Variants in LRP5 observed in about 807,000 individuals in gnomAD.
LRP5 encodes LDL receptor related protein 5, also known as low-density lipoprotein receptor-related protein 5.
Under a neutral mutation model 154.1 loss-of-function variants are expected in LRP5, and 62 were observed. The observed-to-expected ratio is 0.40, with a 90% CI of 0.33 to 0.50. The LOEUF is 0.50. Among genes scored for constraint, LRP5 ranks in the 20% least tolerant of loss-of-function variants. The pLI is 0.55. For missense variants in LRP5, 1,915 were observed against 2,336.7 expected, an observed-to-expected ratio of 0.82 and a Z score of 3.72; for synonymous variants, 966 against 1,011.5, an observed-to-expected ratio of 0.96 and a Z score of 0.85.
upstream of LRP5, among the ~76,000 whole-genome samples, chr11:68,308,981 TGGAG>T (rs2153109160): frequency 7.2e-6 from 1 of 138,692 alleles, no homozygotes; most frequent in Admixed American, 8.0e-5. Flanking sequence ...CCAGGCTGGA[TGGAG>T]TGCAGTGGCG....
chr11:68,376,124 C>T (rs1281255890), intron 5 of LRP5, among the ~76,000 whole-genome samples: 1 of 150,636 alleles, frequency 6.6e-6, no homozygotes, highest in Non-Finnish European at 1.5e-5. Context: ...TACCCAGGCA[C>T]GCGTCCTGGG....
chr11:68,411,648 C>G, intron 11 of LRP5, 28 bp downstream of exon 11: 2 of 1,593,948 alleles, frequency 1.3e-6, no homozygotes, highest in Non-Finnish European at 1.7e-6. Flanking sequence ...GCCTTCTGGT[C>G]ATGGAGGGCG....
At chr11:68,329,006 A>AC (rs915349022) in intron 1 of LRP5, among the ~76,000 whole-genome samples, 3 of 152,070 alleles carry the variant, frequency 2.0e-5, no homozygotes, top group African/African-American at 7.2e-5. Flanking sequence ...CCCTTCCCAC[A>AC]CGTGTGCATG....
intron 22 of LRP5, 40 bp downstream of exon 22, chr11:68,446,573 C>T: frequency 6.5e-7 from 1 of 1,537,932 alleles, no homozygotes. Flanking sequence ...CATTGGGTTC[C>T]CGCCAGCCCG....
At chr11:68,308,623 T>C (rs2098585435), upstream of LRP5, among the ~76,000 whole-genome samples, 1 of 152,174 alleles carries the variant, frequency 6.6e-6, no homozygotes, top group South Asian at 2.1e-4. Flanking sequence ...TCCTGCAGAA[T>C]AAAATAGTGC....
intron 13 of LRP5, among the ~76,000 whole-genome samples, chr11:68,416,921 T>TA (rs2098662864): frequency 3.3e-5 from 5 of 152,178 alleles, no homozygotes; most frequent in Admixed American, 2.0e-4. Flanking sequence ...GAAAGACACC[T>TA]ATGCAAAATC....
intron 17 of LRP5, among the ~76,000 whole-genome samples, chr11:68,432,906 A>G (rs1326530832): frequency 6.6e-6 from 1 of 152,192 alleles, no homozygotes; most frequent in Non-Finnish European, 1.5e-5. Flanking sequence ...GATGGCCTCC[A>G]TGGTCACACG....
intron 7 of LRP5, among the ~76,000 whole-genome samples, chr11:68,403,098 C>T (rs1159395866): frequency 1.3e-5 from 2 of 151,954 alleles, no homozygotes; most frequent in African/African-American, 2.4e-5. Context: ...TACAAAAATT[C>T]GCCAGGTGTG....
chr11:68,394,382 G>A (rs1184866697), intron 7 of LRP5, among the ~76,000 whole-genome samples: 1 of 151,882 alleles, frequency 6.6e-6, no homozygotes, highest in Non-Finnish European at 1.5e-5. Flanking sequence ...CCAGGAACAG[G>A]GGGGTCGCAG....
At position 68,410,190 on chromosome 11, in the gene LRP5, A is replaced by G. The variant is rs756773608; in HGVS notation, c.2318+50A>G. ...TCCTTGTGTTCACCTCGTATGAGAC[A>G]GTGCGGGGGTGCCAACTGGGCAAGG... On this transcript the variant is annotated intron_variant, in intron 10 of 22. Coordinates refer to ENST00000294304, the MANE Select transcript of LRP5 (RefSeq NM_002335.4). The G allele has an allele frequency of 1.6e-5, 24 of 1,503,934 alleles. 1 individual carries two copies. In the South Asian group the frequency reaches 2.8e-4, roughly 17 times the overall value. 93.2% of individuals were successfully genotyped at this position (1,503,934 alleles called of 1,614,324 possible).
chr11:68,411,944 G>A (rs1010291506), intron 11 of LRP5, among the ~76,000 whole-genome samples: 3 of 152,144 alleles, frequency 2.0e-5, no homozygotes, highest in Non-Finnish European at 2.9e-5. Flanking sequence ...TCATTGCTGG[G>A]GAAGCTGAGG....
At chr11:68,404,012 C>T (rs1591285167) in intron 8 of LRP5, 1 of 489,524 alleles carries the variant, frequency 2.0e-6, no homozygotes, top group Non-Finnish European at 3.8e-6. Context: ...AAATGTAGTT[C>T]CTTGCCCTAC....
At chr11:68,350,971 C>T (rs114729015) in intron 2 of LRP5, among the ~76,000 whole-genome samples, 7,164 of 152,016 alleles carry the variant, frequency 0.047, 567 homozygotes, top group African/African-American at 0.16. Flanking sequence ...TGCATGCATG[C>T]GTGTGAGTGG....
chr11:68,300,062 C>A, the LRP5 span, among the ~76,000 whole-genome samples: 6 of 143,730 alleles, frequency 4.2e-5, no homozygotes, highest in South Asian at 1.3e-3. Context: ...TTTTTTTTTT[C>A]AGTAGATACA....
chr11:68,432,110 C>G (rs569925154), intron 17 of LRP5, among the ~76,000 whole-genome samples: 2 of 152,256 alleles, frequency 1.3e-5, no homozygotes, highest in African/African-American at 2.4e-5. Flanking sequence ...CGCCATTCAG[C>G]CCTTCCCTGA....
intron 5 of LRP5, among the ~76,000 whole-genome samples, chr11:68,365,961 T>C (rs2098630840): frequency 1.3e-5 from 2 of 152,298 alleles, no homozygotes; most frequent in South Asian, 4.1e-4. Flanking sequence ...ACTCTCCGCC[T>C]TGGTCCTCAG....
chr11:68,372,986 C>G (rs572774078), intron 5 of LRP5, among the ~76,000 whole-genome samples: 1 of 152,040 alleles, frequency 6.6e-6, no homozygotes, highest in African/African-American at 2.4e-5. Context: ...CCCAACCCAA[C>G]GCACCCACTC....
At chr11:68,311,011 G>A (rs1436683739), upstream of LRP5, among the ~76,000 whole-genome samples, 2 of 152,066 alleles carry the variant, frequency 1.3e-5, no homozygotes, top group Non-Finnish European at 2.9e-5. Context: ...TTCCCTGGCT[G>A]CCATGAGATC....
chr11:68,348,365 T>TG (rs1258119628), intron 2 of LRP5, 122 bp downstream of exon 2: 22 of 1,311,670 alleles, frequency 1.7e-5, no homozygotes, highest in African/African-American at 4.3e-5. Context: ...AATGAACCCG[T>TG]GGGGGGGTTG....
Sources: gnomAD v4.1 joint callset for allele counts (sites outside exome capture counted in the v4.1 genomes callset) on GRCh38, gnomAD v4.1.1 for gene constraint, MANE v1.5 for transcripts, NCBI Gene and HGNC (gene_info 2026-07-23, HGNC 2026-07-21) for gene names.